The following EXOC4 variants were observed in gnomAD, a reference collection of about 807,000 sequenced individuals.
EXOC4 encodes the protein SEC8-like 1.
A neutral mutation model predicts 107.2 loss-of-function variants in EXOC4; 71 were observed. The ratio of observed to expected loss-of-function variants is 0.66; its 90% CI spans 0.55 to 0.81. The LOEUF (loss-of-function observed/expected upper bound fraction) is 0.81. Ranked by LOEUF, EXOC4 falls within the 30% of genes least tolerant of loss-of-function variation. The pLI, the probability that EXOC4 is intolerant of heterozygous loss-of-function variation, is 0.00. For synonymous variants in EXOC4, 456 were observed against 441.2 expected (o/e 1.03, Z -0.42); for missense variants, 1,108 against 1,189.6 (o/e 0.93, Z 1.01).
chr7:133,628,619 T>A (rs1210319351), intron 9 of EXOC4, among the ~76,000 whole-genome samples: 3 of 152,230 alleles, frequency 2.0e-5, no homozygotes, highest in African/African-American at 7.2e-5. Flanking sequence ...TCCAAAGTGA[T>A]ACATCTTTTC....
At chr7:133,340,573 A>G (rs1795638544) in intron 5 of EXOC4, among the ~76,000 whole-genome samples, 1 of 151,726 alleles carries the variant, frequency 6.6e-6, no homozygotes, top group Non-Finnish European at 1.5e-5. Flanking sequence ...CTCTTTTTCT[A>G]TCTTGTGGAT....
chr7:133,442,762 T>C (rs925287771), intron 7 of EXOC4, among the ~76,000 whole-genome samples: 1 of 152,196 alleles, frequency 6.6e-6, no homozygotes, highest in East Asian at 1.9e-4. Context: ...GAAGATTTGC[T>C]GGATACTGAA....
chr7:133,492,252 G>A (rs1185784836), intron 9 of EXOC4, among the ~76,000 whole-genome samples: 1 of 152,136 alleles, frequency 6.6e-6, no homozygotes, highest in African/African-American at 2.4e-5. Context: ...AACCTATTTT[G>A]GAGGTACAAT....
intron 9 of EXOC4, among the ~76,000 whole-genome samples, chr7:133,509,153 G>C (rs1364693462): frequency 2.0e-5 from 3 of 152,180 alleles, no homozygotes. Context: ...GAGGGGCCGG[G>C]CACTGTGGCT....
chr7:134,016,894 G>T (rs916778235), intron 17 of EXOC4, among the ~76,000 whole-genome samples: 1 of 152,174 alleles, frequency 6.6e-6, no homozygotes, highest in Non-Finnish European at 1.5e-5. Flanking sequence ...CAGACAGCCA[G>T]ACTGAGAATG....
chr7:133,576,474 A>G, intron 9 of EXOC4: 1 of 1,276,530 alleles, frequency 7.8e-7, no homozygotes, highest in South Asian at 1.3e-5. Flanking sequence ...TATAGAGGGC[A>G]TCTGTCGGTT....
At chr7:133,787,955 T>TTTTATTTATATATATATATATATATATA in intron 10 of EXOC4, among the ~76,000 whole-genome samples, 1 of 31,640 alleles carries the variant, frequency 3.2e-5, no homozygotes, top group East Asian at 2.0e-3. Flanking sequence ...GTGCATATAT[T>TTTTATTTATATATATATATATATATATA]TATATATTTA....
rs80163924 is a variant in EXOC4 at position 133,398,723 on chromosome 7, A to G, written c.1182+23721A>G. Among the ~76,000 whole-genome samples the G allele has an allele frequency of 1.1e-4, 17 of 152,276 alleles. 1 individual carries two copies. The East Asian group carries it at 1.9e-3, about 17-fold the overall frequency. Reference sequence around the variant, plus strand: ...TATTTTCATAAGTTCCACATTCTCAACTGAATTTCTAGGGACGAAAGAGAA... The same window carrying G: ...TATTTTCATAAGTTCCACATTCTCAGCTGAATTTCTAGGGACGAAAGAGAA... On this transcript the variant is annotated intron_variant, in intron 7 of 17. Coordinates refer to ENST00000253861, the MANE Select transcript of EXOC4 (RefSeq NM_021807.4).
intron 1 of EXOC4, among the ~76,000 whole-genome samples, chr7:133,269,259 C>T (rs1584764071): frequency 6.6e-6 from 1 of 152,156 alleles, no homozygotes; most frequent in South Asian, 2.1e-4. Context: ...ATGTGTCCTG[C>T]AGCTCAGGAG....
intron 6 of EXOC4, among the ~76,000 whole-genome samples, chr7:133,364,374 C>T (rs978599426): frequency 4.6e-4 from 70 of 150,932 alleles, no homozygotes; most frequent in African/African-American, 1.6e-3. Context: ...CTCCCGGTCT[C>T]AAGAGTCTTT....
intron 10 of EXOC4, among the ~76,000 whole-genome samples, chr7:133,797,671 A>G (rs767607599): frequency 6.6e-6 from 1 of 152,134 alleles, no homozygotes; most frequent in African/African-American, 2.4e-5. Flanking sequence ...CATCATCTCT[A>G]TTCATTCACT....
chr7:133,499,791 C>A (rs1431707880), intron 9 of EXOC4, among the ~76,000 whole-genome samples: 6 of 152,062 alleles, frequency 3.9e-5, no homozygotes, highest in Non-Finnish European at 8.8e-5. Flanking sequence ...ATGTAAGAAG[C>A]GCCTGCCTCC....
chr7:133,697,027 CT>C (rs1794549667), intron 10 of EXOC4, among the ~76,000 whole-genome samples: 1 of 152,190 alleles, frequency 6.6e-6, no homozygotes, highest in Non-Finnish European at 1.5e-5. Flanking sequence ...CATCATGTTA[CT>C]TAGGGAACTT....
chr7:133,759,517 T>C (rs1795991241), intron 10 of EXOC4, among the ~76,000 whole-genome samples: 1 of 152,248 alleles, frequency 6.6e-6, no homozygotes, highest in African/African-American at 2.4e-5. Flanking sequence ...AGTGTCCTCA[T>C]TTTGCAGATG....
chr7:133,576,354 A>G, intron 9 of EXOC4: 2 of 660,380 alleles, frequency 3.0e-6, no homozygotes, highest in Non-Finnish European at 4.3e-6. Flanking sequence ...TCACACCTTA[A>G]GAAAAGTGAT....
chr7:133,379,140 A>G (rs73724573), intron 7 of EXOC4, among the ~76,000 whole-genome samples: 2,831 of 152,154 alleles, frequency 0.019, 95 homozygotes, highest in African/African-American at 0.064. Flanking sequence ...CTCTGTATAT[A>G]TGGACACACA....
At chr7:133,481,057 G>GAAA (rs10686907) in intron 9 of EXOC4, 1,673 of 142,302 alleles carry the variant, frequency 0.012, 23 homozygotes, top group Middle Eastern at 0.018. Context: ...CTCAAAAAAA[G>GAAA]AAAAAAAAAA....
intron 10 of EXOC4, chr7:133,771,490 A>G (rs544066091): frequency 1.3e-5 from 2 of 152,034 alleles, no homozygotes; most frequent in African/African-American, 4.8e-5. Context: ...TGGAAAGTAG[A>G]TAGCTCTCTA....
intron 17 of EXOC4, among the ~76,000 whole-genome samples, chr7:134,052,642 G>C (rs1392819840): frequency 6.6e-6 from 1 of 152,110 alleles, no homozygotes; most frequent in African/African-American, 2.4e-5. Flanking sequence ...TCACATAGCA[G>C]GTGTTCTATC....
Sources: allele counts gnomAD v4.1 joint callset (sites outside exome capture counted in the v4.1 genomes callset), GRCh38; gene constraint gnomAD v4.1.1; transcripts MANE v1.5; gene names NCBI Gene and HGNC (gene_info 2026-07-23, HGNC 2026-07-21).